Variants in ZBTB20 observed in about 807,000 individuals in gnomAD.
The protein encoded by ZBTB20 is zinc finger and BTB domain containing 20, also known as zinc finger and BTB domain-containing protein 20.
A neutral mutation model predicts 56.9 loss-of-function variants in ZBTB20; 9 were observed. The observed-to-expected ratio is 0.16, with a 90% confidence interval of 0.10 to 0.28. The LOEUF (loss-of-function observed/expected upper bound fraction) is 0.28. Among genes scored for constraint, ZBTB20 ranks in the 10% least tolerant of loss-of-function variants. The pLI is 1.00. For synonymous variants in ZBTB20, 417 were observed against 420.7 expected (o/e 0.99, Z 0.11); for missense variants, 655 against 1,003.0 (o/e 0.65, Z 4.69).
intron 6 of ZBTB20, among the ~76,000 whole-genome samples, chr3:114,673,519 T>C (rs574413399): frequency 3.9e-5 from 6 of 152,204 alleles, no homozygotes; most frequent in African/African-American, 7.2e-5. Flanking sequence ...CCATTATAAG[T>C]AGAAACACTT....
intron 1 of ZBTB20, among the ~76,000 whole-genome samples, chr3:115,081,025 G>T (rs950302306): frequency 6.6e-6 from 1 of 152,044 alleles, no homozygotes; most frequent in Non-Finnish European, 1.5e-5. Flanking sequence ...CTTACTATAG[G>T]ATATCATGCA....
intron 4 of ZBTB20, among the ~76,000 whole-genome samples, chr3:114,836,179 T>C (rs2074110418): frequency 6.6e-6 from 1 of 152,214 alleles, no homozygotes; most frequent in South Asian, 2.1e-4. Context: ...TTGTATTTGA[T>C]ATGTGTGTTT....
chr3:114,861,981 C>T (rs921846088), intron 4 of ZBTB20, among the ~76,000 whole-genome samples: 10 of 152,282 alleles, frequency 6.6e-5, no homozygotes, highest in Middle Eastern at 3.4e-3. Flanking sequence ...TTTTATATCA[C>T]ATAATAACAA....
intron 7 of ZBTB20, among the ~76,000 whole-genome samples, chr3:114,457,215 A>G (rs964571724): frequency 6.6e-6 from 1 of 152,230 alleles, no homozygotes; most frequent in Admixed American, 6.5e-5. Context: ...ATATTTATAT[A>G]TAACACTGCA....
At chr3:114,671,680 TG>T (rs1211759997) in intron 6 of ZBTB20, among the ~76,000 whole-genome samples, 2 of 151,014 alleles carry the variant, frequency 1.3e-5, no homozygotes, top group Non-Finnish European at 3.0e-5. Flanking sequence ...ATAACCAGAG[TG>T]TTAAAAAAAA....
intron 6 of ZBTB20, among the ~76,000 whole-genome samples, chr3:114,581,286 A>C (rs745855019): frequency 9.9e-5 from 15 of 151,992 alleles, no homozygotes; most frequent in Non-Finnish European, 1.9e-4. Flanking sequence ...AGGATTAGAG[A>C]TCTAAATGTA....
intron 2 of ZBTB20, among the ~76,000 whole-genome samples, chr3:115,050,181 G>A (rs896702062): frequency 2.6e-5 from 4 of 151,798 alleles, no homozygotes; most frequent in South Asian, 2.1e-4. Flanking sequence ...GATGTGGTTC[G>A]GAAAACATTG....
intron 10 of ZBTB20, among the ~76,000 whole-genome samples, chr3:114,369,492 A>G (rs2082768747): frequency 6.6e-6 from 1 of 152,346 alleles, no homozygotes; most frequent in Non-Finnish European, 1.5e-5. Context: ...TGACAAAATA[A>G]TCTCCTTATT....
At chr3:114,393,118 A>G (rs2086030796) in intron 7 of ZBTB20, among the ~76,000 whole-genome samples, 1 of 152,256 alleles carries the variant, frequency 6.6e-6, no homozygotes, top group African/African-American at 2.4e-5. Flanking sequence ...TGAGACATCC[A>G]TTAAATAGCA....
At chr3:114,942,886 C>T (rs1185391975) in intron 3 of ZBTB20, among the ~76,000 whole-genome samples, 1 of 145,304 alleles carries the variant, frequency 6.9e-6, no homozygotes, top group East Asian at 1.9e-4. Flanking sequence ...TTGGAGCTGT[C>T]AGCACAGCCA....
At chr3:114,904,360 G>A (rs906368474) in intron 3 of ZBTB20, 3 of 151,908 alleles carry the variant, frequency 2.0e-5, no homozygotes, top group African/African-American at 4.8e-5. Flanking sequence ...CCATAGAAGA[G>A]CTCTAAACCT....
intron 4 of ZBTB20, among the ~76,000 whole-genome samples, chr3:114,811,342 A>G (rs2072500325): frequency 6.6e-6 from 1 of 152,210 alleles, no homozygotes; most frequent in Non-Finnish European, 1.5e-5. Flanking sequence ...ATAGAGAATA[A>G]TATTTACTAT....
At chr3:114,726,549 A>G (rs2065294661) in intron 5 of ZBTB20, among the ~76,000 whole-genome samples, 1 of 152,152 alleles carries the variant, frequency 6.6e-6, no homozygotes, top group Non-Finnish European at 1.5e-5. Context: ...AGGCCTAAGA[A>G]TCTGCATTTC....
chr3:114,686,661 C>G (rs1322971520), intron 6 of ZBTB20, among the ~76,000 whole-genome samples: 1 of 152,026 alleles, frequency 6.6e-6, no homozygotes, highest in Non-Finnish European at 1.5e-5. Flanking sequence ...TTTTCATTTC[C>G]CAACCTGTTT....
chr3:114,791,043 T>C (rs2108806791), intron 5 of ZBTB20, among the ~76,000 whole-genome samples: 1 of 152,244 alleles, frequency 6.6e-6, no homozygotes, highest in East Asian at 1.9e-4. Flanking sequence ...TTGTAATATA[T>C]GATATTTATA....
At chr3:114,567,768 C>T (rs1361133592) in intron 6 of ZBTB20, among the ~76,000 whole-genome samples, 4 of 152,124 alleles carry the variant, frequency 2.6e-5, no homozygotes, top group Non-Finnish European at 4.4e-5. Flanking sequence ...AGGAAACAAC[C>T]AATGAGGTTA....
intron 3 of ZBTB20, among the ~76,000 whole-genome samples, chr3:114,972,080 T>G (rs2077907129): frequency 6.6e-6 from 1 of 152,206 alleles, no homozygotes; most frequent in Non-Finnish European, 1.5e-5. Flanking sequence ...TTACCTTTAT[T>G]TATCTCACTA....
chr3:114,550,561 A>C (rs958486656), intron 6 of ZBTB20, among the ~76,000 whole-genome samples: 1 of 152,186 alleles, frequency 6.6e-6, no homozygotes, highest in African/African-American at 2.4e-5. Context: ...TAATAAGTGC[A>C]TTGTTTTAAC....
intron 2 of ZBTB20, among the ~76,000 whole-genome samples, chr3:115,036,561 C>T (rs1282473815): frequency 6.6e-6 from 1 of 152,100 alleles, no homozygotes; most frequent in Non-Finnish European, 1.5e-5. Context: ...ACTACAGGTG[C>T]GTGCCATCAC....
Sources: gnomAD v4.1 joint callset for allele counts (sites outside exome capture counted in the v4.1 genomes callset) on GRCh38, gnomAD v4.1.1 for gene constraint, MANE v1.5 for transcripts, NCBI Gene and HGNC (gene_info 2026-07-23, HGNC 2026-07-21) for gene names.